The following CTNNA3 variants were observed in gnomAD, a reference collection of about 807,000 sequenced individuals.
The protein encoded by CTNNA3 is catenin alpha-3.
Under a neutral mutation model 95.7 loss-of-function variants are expected in CTNNA3, and 76 were observed. The ratio of observed to expected loss-of-function variants is 0.79; its 90% confidence interval spans 0.66 to 0.96. The LOEUF is 0.96. Ranked by LOEUF, CTNNA3 falls within the 40% of genes least tolerant of loss-of-function variation. CTNNA3 has a pLI of 0.00. For missense variants in CTNNA3, 1,191 were observed against 1,089.8 expected (o/e 1.09, Z -1.31); for synonymous variants, 431 against 374.4 (o/e 1.15, Z -1.74).
chr10:66,730,964 T>G (rs1378972983), intron 9 of CTNNA3, among the ~76,000 whole-genome samples: 1 of 152,232 alleles, frequency 6.6e-6, no homozygotes, highest in Admixed American at 6.5e-5. Flanking sequence ...ACAAAGTGAT[T>G]GTTTTAAGGT....
intron 1 of CTNNA3, among the ~76,000 whole-genome samples, chr10:67,760,787 T>G (rs1841458062): frequency 6.6e-6 from 1 of 152,166 alleles, no homozygotes; most frequent in Admixed American, 6.5e-5. Context: ...GTAGGTTGTG[T>G]GTTCCTTATG....
intron 7 of CTNNA3, among the ~76,000 whole-genome samples, chr10:67,115,506 A>G (rs1859135270): frequency 6.6e-6 from 1 of 151,602 alleles, no homozygotes. Context: ...AAAAAATAAA[A>G]TAAAATAAAA....
At chr10:67,443,672 G>A (rs573279911) in intron 5 of CTNNA3, among the ~76,000 whole-genome samples, 1 of 152,008 alleles carries the variant, frequency 6.6e-6, no homozygotes, top group South Asian at 2.1e-4. Context: ...ATTTGTTTGA[G>A]TTCATTATAG....
intron 13 of CTNNA3, among the ~76,000 whole-genome samples, chr10:66,180,916 C>T (rs752948549): frequency 2.0e-5 from 3 of 151,930 alleles, no homozygotes; most frequent in East Asian, 3.9e-4. Context: ...GGTAGGTCTG[C>T]CATCTAGTGG....
intron 7 of CTNNA3, among the ~76,000 whole-genome samples, chr10:67,068,177 G>C (rs71496030): frequency 0.044 from 6,771 of 152,236 alleles, 227 homozygotes; most frequent in Middle Eastern, 0.078. Context: ...AGAAGAGAAG[G>C]GGGGAAGGAT....
chr10:67,237,535 A>T (rs1354906374), intron 5 of CTNNA3, among the ~76,000 whole-genome samples: 1 of 151,998 alleles, frequency 6.6e-6, no homozygotes, highest in African/African-American at 2.4e-5. Context: ...ACTTATGGAA[A>T]TTTTTTTAAA....
rs561748795 is a variant in CTNNA3 at position 65,923,400 on chromosome 10, A to G, written c.2401-2783T>C. Among the ~76,000 whole-genome samples, 10 of 152,248 alleles carry G rather than the reference A, an allele frequency of 6.6e-5. No homozygotes were observed. The East Asian group carries it at 7.7e-4, about 12-fold the overall frequency. On this transcript the variant is annotated intron_variant, in intron 17 of 17. Transcript: ENST00000433211. ...AACTTATTCAATGTTTTTATGATCT[A>G]CTCTGAATGTCTCTTTTAAGAGCTA...
chr10:67,367,193 G>C (rs1400286411), intron 5 of CTNNA3, among the ~76,000 whole-genome samples: 2 of 151,852 alleles, frequency 1.3e-5, no homozygotes, highest in East Asian at 3.9e-4. Flanking sequence ...ATCCAACAAT[G>C]GTCTAAAATC....
chr10:66,101,325 C>T (rs1307361754), intron 14 of CTNNA3, among the ~76,000 whole-genome samples: 1 of 152,156 alleles, frequency 6.6e-6, no homozygotes, highest in African/African-American at 2.4e-5. Context: ...AGTAGCATTT[C>T]CCAATATATT....
intron 12 of CTNNA3, among the ~76,000 whole-genome samples, chr10:66,332,976 A>T: frequency 6.6e-6 from 1 of 151,988 alleles, no homozygotes; most frequent in Non-Finnish European, 1.5e-5. Flanking sequence ...GTGTCTAGGA[A>T]TTTATCCATT....
intron 7 of CTNNA3, among the ~76,000 whole-genome samples, chr10:66,977,966 T>G (rs1039250922): frequency 6.6e-6 from 1 of 152,152 alleles, no homozygotes. Flanking sequence ...TTAGTCAAAC[T>G]TTTATTCCTA....
chr10:67,432,644 A>G (rs1370416488), intron 5 of CTNNA3, among the ~76,000 whole-genome samples: 1 of 152,022 alleles, frequency 6.6e-6, no homozygotes, highest in African/African-American at 2.4e-5. Context: ...ATATGATTGC[A>G]TTTAGATCCC....
intron 13 of CTNNA3, among the ~76,000 whole-genome samples, chr10:66,206,016 C>T (rs962214659): frequency 6.6e-6 from 1 of 151,894 alleles, no homozygotes; most frequent in African/African-American, 2.4e-5. Flanking sequence ...AATATCATTA[C>T]CCTCTAATTT....
At chr10:67,701,638 A>C (rs1282086363) in intron 1 of CTNNA3, among the ~76,000 whole-genome samples, 1 of 152,246 alleles carries the variant, frequency 6.6e-6, no homozygotes. Context: ...CTAAACATGG[A>C]AAGGAAAAAC....
chr10:67,305,376 A>T (rs915125281), intron 5 of CTNNA3, among the ~76,000 whole-genome samples: 103 of 144,422 alleles, frequency 7.1e-4, no homozygotes, highest in African/African-American at 2.5e-3. Context: ...AAAAAAAAAA[A>T]TTAAAAAAAA....
At chr10:67,008,342 T>C (rs1169950485) in intron 7 of CTNNA3, among the ~76,000 whole-genome samples, 1 of 152,212 alleles carries the variant, frequency 6.6e-6, no homozygotes, top group African/African-American at 2.4e-5. Context: ...TTTTTAATTT[T>C]CGTTCTGAAT....
chr10:67,526,470 G>A (rs980853503), intron 4 of CTNNA3, among the ~76,000 whole-genome samples: 1 of 151,732 alleles, frequency 6.6e-6, no homozygotes, highest in South Asian at 2.1e-4. Flanking sequence ...CTGGCCTTGA[G>A]GTCTGAGGTT....
At chr10:66,766,232 A>C in intron 9 of CTNNA3, 32 bp downstream of exon 9, 1 of 1,606,032 alleles carries the variant, frequency 6.2e-7, no homozygotes, top group Non-Finnish European at 8.5e-7. Context: ...ATTCTCCTGG[A>C]CTTTAGTGAG....
chr10:65,972,140 T>C lies in CTNNA3; in HGVS notation c.2266-5394A>G, dbSNP rs188707583. Among the ~76,000 whole-genome samples, 529 of 152,080 alleles carry C rather than the reference T, an allele frequency of 3.5e-3. 3 individuals carry two copies. The highest frequency in any genetic ancestry group is 0.012 in the African/African-American group (481 of 41,518). On this transcript the variant is annotated intron_variant, in intron 16 of 17. Transcript: ENST00000433211. ...CATGATAAAAACCTTCAAGAAACTA[T>C]GCATCAAAGGAACATATCTGAAAAT... is the stretch of plus-strand genomic sequence containing the variant.
Sources: gnomAD v4.1 joint callset for allele counts (sites outside exome capture counted in the v4.1 genomes callset) on GRCh38, gnomAD v4.1.1 for gene constraint, MANE v1.5 for transcripts, NCBI Gene and HGNC (gene_info 2026-07-23, HGNC 2026-07-21) for gene names.